The following GLG1 variants were observed in gnomAD, a reference collection of about 807,000 sequenced individuals.
The protein encoded by GLG1 is golgi glycoprotein 1.
A neutral mutation model predicts 160.5 loss-of-function variants in GLG1; 38 were observed. That is an observed-to-expected ratio of 0.24 (90% CI 0.18 to 0.31). GLG1 has a LOEUF of 0.31. GLG1 is among the 10% of genes least tolerant of loss of function. GLG1 has a pLI of 1.00. For synonymous variants in GLG1, 644 were observed against 543.4 expected (o/e 1.19, Z -2.57); for missense variants, 1,373 against 1,505.2 (o/e 0.91, Z 1.45).
intron 2 of GLG1, among the ~76,000 whole-genome samples, chr16:74,516,160 A>T (rs1174053366): frequency 1.3e-5 from 2 of 151,682 alleles, no homozygotes; most frequent in Non-Finnish European, 2.9e-5. Flanking sequence ...ACAGAAAGTT[A>T]AGAAGGATAT....
Position 74,469,987 on chromosome 16 carries a change from C to T in GLG1, c.2316G>A (p.Lys772=). Residue 772 remains lysine, a splice_region_variant and synonymous_variant, in exon 16 of 26, where the codon AAG becomes AAA. Coordinates refer to ENST00000422840, the MANE Select transcript of GLG1 (RefSeq NM_001145667.2). ...DVLKLCPNIK[K]KVDVVICLST... is the part of the protein sequence containing the mutation. ...TGAAACAACTACAAGCTACATACTTCTTTTTTATGTTTGGGCAAAGCTTCA... is the reference window on the plus strand; with the variant it reads ...TGAAACAACTACAAGCTACATACTTTTTTTTTATGTTTGGGCAAAGCTTCA... 6.3e-7 allele frequency: 1 copy of T among 1,581,136 alleles called. No homozygotes were observed. The highest frequency in any genetic ancestry group is 8.7e-7 in the Non-Finnish European group (1 of 1,149,932).
At chr16:74,570,046 A>C (rs947630574) in intron 1 of GLG1, among the ~76,000 whole-genome samples, 1 of 151,846 alleles carries the variant, frequency 6.6e-6, no homozygotes, top group African/African-American at 2.4e-5. Context: ...AAAAAAAAAA[A>C]CAATAGTTTT....
At chr16:74,564,244 G>C (rs990192005) in intron 1 of GLG1, among the ~76,000 whole-genome samples, 1 of 152,158 alleles carries the variant, frequency 6.6e-6, no homozygotes, top group South Asian at 2.1e-4. Flanking sequence ...TGTTGCACGT[G>C]GATGAATATA....
At chr16:74,457,475 C>T (rs1396495843) in intron 24 of GLG1, among the ~76,000 whole-genome samples, 1 of 152,196 alleles carries the variant, frequency 6.6e-6, no homozygotes, top group Admixed American at 6.5e-5. Flanking sequence ...AACTCTCACA[C>T]TTGCCTTGGC....
chr16:74,454,021 G>A (rs535358586), intron 25 of GLG1, among the ~76,000 whole-genome samples: 82 of 151,644 alleles, frequency 5.4e-4, no homozygotes, highest in South Asian at 1.7e-3. Flanking sequence ...ACAGGTGCAC[G>A]CCACCATGCA....
At chr16:74,522,623 T>C (rs937540283) in intron 2 of GLG1, among the ~76,000 whole-genome samples, 1 of 152,198 alleles carries the variant, frequency 6.6e-6, no homozygotes, top group Admixed American at 6.5e-5. Flanking sequence ...GTCAGACGTA[T>C]GTATTATCAA....
chr16:74,572,262 G>A (rs1193800756), intron 1 of GLG1, among the ~76,000 whole-genome samples: 2 of 152,144 alleles, frequency 1.3e-5, no homozygotes, highest in African/African-American at 4.8e-5. Flanking sequence ...TGTAATCCCA[G>A]CACTTGGGGA....
rs932003352 is a variant in GLG1, at chr16:74,606,993, G to T, written c.102C>A (p.Gly34=). 2.5e-6 allele frequency: 4 copies of T among 1,605,922 alleles called. No homozygotes were observed. Among genetic ancestry groups the T allele is most frequent in the Admixed American group, 1.7e-5 (1 of 59,136 alleles). Residue 34 remains glycine (G), a synonymous_variant, in exon 1 of 26, where the codon GGC becomes GGA. Transcript: ENST00000422840. ...CGGGACCCTGGCCCTGGCTGTGGAC[G>T]CCCTGGCCGGGGAGTTTCTCGGCCC... ...AAGAEKLPGQ[G]VHSQGQGPGA...
chr16:74,555,400 T>C (rs939190020), intron 1 of GLG1, among the ~76,000 whole-genome samples: 2 of 152,156 alleles, frequency 1.3e-5, no homozygotes, highest in African/African-American at 4.8e-5. Context: ...TAAAATGGGA[T>C]TCCAGGCTGG....
intron 1 of GLG1, among the ~76,000 whole-genome samples, chr16:74,567,452 G>A (rs1014804927): frequency 6.6e-6 from 1 of 151,574 alleles, no homozygotes; most frequent in East Asian, 1.9e-4. Context: ...GGTTTCCTAG[G>A]ACACAGGACT....
In GLG1 at chr16:74,448,710, C is replaced by T. The variant is rs1436098625; in HGVS notation, c.*4457G>A. On this transcript the variant is annotated 3_prime_UTR_variant, in exon 26 of 26. Transcript: ENST00000422840. ...GAAGTTGCAGTGAGCCGAGATTGCG[C>T]CACTGCACTCCAGCCTGGGCAACGA... is the stretch of plus-strand genomic sequence containing the variant. 3 of 148,796 alleles carry T rather than the reference C, an allele frequency of 2.0e-5. No individual in the cohort carries two copies. Among genetic ancestry groups the T allele is most frequent in the Admixed American group, 1.3e-4 (2 of 14,860 alleles). 9.2% of individuals were successfully genotyped at this position (148,796 alleles called of 1,614,324 possible).
intron 11 of GLG1, among the ~76,000 whole-genome samples, chr16:74,479,469 C>G (rs1222852061): frequency 2.0e-5 from 3 of 151,194 alleles, no homozygotes; most frequent in Admixed American, 2.0e-4. Context: ...AAAACAAATT[C>G]CCACGTTTTC....
chr16:74,595,096 G>C (rs1597382428), intron 1 of GLG1, among the ~76,000 whole-genome samples: 1 of 151,966 alleles, frequency 6.6e-6, no homozygotes, highest in African/African-American at 2.4e-5. Context: ...GCTGAGGCAG[G>C]AGAACGGCAT....
intron 1 of GLG1, among the ~76,000 whole-genome samples, chr16:74,570,531 C>T (rs2018795191): frequency 6.6e-6 from 1 of 151,868 alleles, no homozygotes; most frequent in South Asian, 2.1e-4. Flanking sequence ...TTTTCAAGGC[C>T]ACAAATCCCA....
At chr16:74,593,892 T>C (rs1958242467) in intron 1 of GLG1, among the ~76,000 whole-genome samples, 1 of 152,126 alleles carries the variant, frequency 6.6e-6, no homozygotes, top group Non-Finnish European at 1.5e-5. Context: ...TAAATAAGTA[T>C]AACATTTTTA....
chr16:74,522,733 G>A (rs999268727), intron 2 of GLG1, among the ~76,000 whole-genome samples: 1 of 152,134 alleles, frequency 6.6e-6, no homozygotes, highest in Admixed American at 6.5e-5. Context: ...ACCCAGCCTG[G>A]AGTGCAGTGG....
chr16:74,549,246 T>C (rs1009816554), intron 1 of GLG1, among the ~76,000 whole-genome samples: 4 of 151,918 alleles, frequency 2.6e-5, no homozygotes, highest in Admixed American at 1.3e-4. Context: ...TAAAGTAATG[T>C]ACTGTATTAT....
rs780243422 is a variant in GLG1, at chr16:74,468,982, C to T, written c.2400G>A (p.Lys800=). Residue 800 remains lysine (K), a synonymous_variant, in exon 17 of 26, where the codon AAG becomes AAA. Transcript: ENST00000422840. ...QEAKEHRVSL[K]CRRQLRVEEL... ...CCTCCACACGGAGCTGCCTGCGGCA[C>T]TTCAGGGACACCCTGTGCTCCTTGG... 6.2e-7 allele frequency: 1 copy of T among 1,613,246 alleles called. No individual in the cohort carries two copies. The highest frequency in any genetic ancestry group is 1.3e-5 in the African/African-American group (1 of 74,910).
chr16:74,453,317 G>C lies in GLG1; in HGVS notation c.3390C>G (p.Gly1130=). ...SYAAKVAPAD[G]FSDLAMQVMT... is the part of the protein sequence containing the mutation. ...TTACTTGCATGGCAAGATCAGAGAAGCCATCTGCTGGGGCCACCTAGAATG... is the reference window on the plus strand; with the variant it reads ...TTACTTGCATGGCAAGATCAGAGAACCCATCTGCTGGGGCCACCTAGAATG... Residue 1130 remains glycine (G), a synonymous_variant, in exon 26 of 26, where the codon GGC becomes GGG. Transcript: ENST00000422840. 6.2e-7 allele frequency: 1 copy of C among 1,612,846 alleles called. No homozygotes were observed.
Sources: allele counts gnomAD v4.1 joint callset (sites outside exome capture counted in the v4.1 genomes callset), GRCh38; gene constraint gnomAD v4.1.1; transcripts MANE v1.5; gene names NCBI Gene and HGNC (gene_info 2026-07-23, HGNC 2026-07-21).